Variants in ADGRB3 observed in about 807,000 individuals in gnomAD.
ADGRB3 encodes brain-specific angiogenesis inhibitor 3.
ADGRB3 carries 37 observed loss-of-function variants against 193.4 expected under a neutral mutation model. The ratio of observed to expected loss-of-function variants is 0.19; its 90% CI spans 0.15 to 0.25. ADGRB3 has a LOEUF of 0.25. Among genes scored for constraint, ADGRB3 ranks in the 10% least tolerant of loss-of-function variants. The pLI is 1.00. For synonymous variants in ADGRB3, 690 were observed against 644.2 expected (o/e 1.07, Z -1.08); for missense variants, 1,637 against 1,852.9 (o/e 0.88, Z 2.14).
intron 3 of ADGRB3, among the ~76,000 whole-genome samples, chr6:68,850,764 A>C (rs1236486378): frequency 2.6e-5 from 4 of 151,972 alleles, no homozygotes; most frequent in African/African-American, 7.2e-5. Context: ...TTCATTTACA[A>C]TGAAGCAGCA....
chr6:69,252,901 T>G (rs1290698533), intron 20 of ADGRB3, among the ~76,000 whole-genome samples: 1 of 152,128 alleles, frequency 6.6e-6, no homozygotes, highest in Non-Finnish European at 1.5e-5. Context: ...CTTATCTATA[T>G]TCTAAGTTTT....
chr6:69,228,037 C>T (rs1766055949), intron 17 of ADGRB3, among the ~76,000 whole-genome samples: 1 of 152,148 alleles, frequency 6.6e-6, no homozygotes, highest in African/African-American at 2.4e-5. Flanking sequence ...AGGTGGATCA[C>T]CTGAGGTCAG....
At chr6:68,947,925 C>G (rs2150252992) in intron 6 of ADGRB3, among the ~76,000 whole-genome samples, 1 of 152,194 alleles carries the variant, frequency 6.6e-6, no homozygotes, top group African/African-American at 2.4e-5. Flanking sequence ...TGAGGGGAAA[C>G]TAACATAGGG....
chr6:68,889,048 A>G (rs562091053), intron 3 of ADGRB3, among the ~76,000 whole-genome samples: 114 of 152,342 alleles, frequency 7.5e-4, no homozygotes, highest in Middle Eastern at 3.4e-3. Flanking sequence ...GTTAGAAAGT[A>G]CTTAAAGACA....
chr6:69,241,024 A>G (rs542474675), intron 20 of ADGRB3, among the ~76,000 whole-genome samples: 1 of 148,896 alleles, frequency 6.7e-6, no homozygotes, highest in South Asian at 2.1e-4. Flanking sequence ...CTTGAGTTAT[A>G]CCTCCCCTTA....
intron 20 of ADGRB3, among the ~76,000 whole-genome samples, chr6:69,255,211 G>A (rs1766731297): frequency 6.6e-6 from 1 of 152,098 alleles, no homozygotes; most frequent in African/African-American, 2.4e-5. Context: ...AGAGTCCTTT[G>A]GGTATATACC....
At chr6:69,037,764 G>A (rs1214678599) in intron 13 of ADGRB3, among the ~76,000 whole-genome samples, 1 of 151,822 alleles carries the variant, frequency 6.6e-6, no homozygotes, top group East Asian at 1.9e-4. Context: ...CTAAGTTCTT[G>A]CTCTATTGTG....
chr6:69,038,866 A>G (rs1390155796), intron 13 of ADGRB3, among the ~76,000 whole-genome samples: 1 of 152,222 alleles, frequency 6.6e-6, no homozygotes, highest in Admixed American at 6.5e-5. Context: ...GTTTTGCTTT[A>G]CCTGGTTTCA....
chr6:68,819,851 A>T (rs1006525252), intron 3 of ADGRB3, among the ~76,000 whole-genome samples: 2 of 152,036 alleles, frequency 1.3e-5, no homozygotes, highest in Non-Finnish European at 2.9e-5. Flanking sequence ...TGTGCTGTGG[A>T]AGTTTCATCC....
At chr6:69,194,991 GGT>G (rs1267409463) in intron 17 of ADGRB3, among the ~76,000 whole-genome samples, 1 of 152,010 alleles carries the variant, frequency 6.6e-6, no homozygotes, top group African/African-American at 2.4e-5. Context: ...GCTAGAGATG[GGT>G]GTGTGTTTGT....
intron 8 of ADGRB3, among the ~76,000 whole-genome samples, chr6:68,963,597 G>T (rs1476272019): frequency 6.6e-6 from 1 of 152,070 alleles, no homozygotes; most frequent in East Asian, 1.9e-4. Flanking sequence ...AGCAGATGCA[G>T]CCTCTGGTTT....
chr6:68,833,757 T>C (rs1767997660), intron 3 of ADGRB3, among the ~76,000 whole-genome samples: 1 of 152,004 alleles, frequency 6.6e-6, no homozygotes, highest in African/African-American at 2.4e-5. Flanking sequence ...GGGCAATTCA[T>C]AACTTACACA....
At chr6:68,637,645 A>C (rs1767988575) in intron 2 of ADGRB3, 83 bp downstream of exon 2, 1 of 152,562 alleles carries the variant, frequency 6.6e-6, no homozygotes, top group Non-Finnish European at 1.5e-5. Flanking sequence ...GGAGCTTTGG[A>C]GTTGTTGTTG....
chr6:69,009,961 C>T (rs1318648087), intron 11 of ADGRB3, among the ~76,000 whole-genome samples: 2 of 151,996 alleles, frequency 1.3e-5, no homozygotes, highest in African/African-American at 2.4e-5. Context: ...AGAAATCTGC[C>T]AAGTGGATGC....
At chr6:69,068,273 C>T (rs1771967677) in intron 16 of ADGRB3, among the ~76,000 whole-genome samples, 1 of 152,112 alleles carries the variant, frequency 6.6e-6, no homozygotes, top group South Asian at 2.1e-4. Flanking sequence ...ATGTGTGTTA[C>T]ATGTCTCTGC....
At chr6:69,360,637 G>A (rs1427286041) in intron 28 of ADGRB3, among the ~76,000 whole-genome samples, 1 of 151,850 alleles carries the variant, frequency 6.6e-6, no homozygotes, top group Non-Finnish European at 1.5e-5. Context: ...TTTCAGATTT[G>A]CTTTAGCTAT....
At chr6:68,890,887 A>G (rs886463469) in intron 3 of ADGRB3, among the ~76,000 whole-genome samples, 7 of 152,210 alleles carry the variant, frequency 4.6e-5, no homozygotes, top group African/African-American at 1.7e-4. Context: ...CGAAAGAAAG[A>G]TAGTATAAGC....
intron 3 of ADGRB3, among the ~76,000 whole-genome samples, chr6:68,738,169 AT>A (rs1765908113): frequency 6.6e-6 from 1 of 152,190 alleles, no homozygotes; most frequent in Non-Finnish European, 1.5e-5. Flanking sequence ...AAACAAAAGC[AT>A]TGCTGGGAAT....
At chr6:69,330,609 A>G (rs551742639) in intron 23 of ADGRB3, 37 bp downstream of exon 23, 4 of 725,948 alleles carry the variant, frequency 5.5e-6, no homozygotes, top group South Asian at 3.4e-5. Flanking sequence ...TTTTCTTAGG[A>G]AAAAAAAAAA....
Sources: gnomAD v4.1 joint callset for allele counts (sites outside exome capture counted in the v4.1 genomes callset) on GRCh38, gnomAD v4.1.1 for gene constraint, MANE v1.5 for transcripts, NCBI Gene and HGNC (gene_info 2026-07-23, HGNC 2026-07-21) for gene names.